Variants in ZNF208 observed in about 807,000 individuals in gnomAD.
ZNF208 encodes the protein zinc finger protein 208.
Under a neutral mutation model 12.1 loss-of-function variants are expected in ZNF208, and 10 were observed. The ratio of observed to expected loss-of-function variants is 0.83; its 90% CI spans 0.51 to 1.40. The LOEUF (loss-of-function observed/expected upper bound fraction) is 1.40. Among genes scored for constraint, ZNF208 ranks in the 40% most tolerant of loss-of-function variants. ZNF208 has a pLI of 0.00. For synonymous variants in ZNF208, 497 were observed against 488.4 expected (o/e 1.02, Z -0.23); for missense variants, 1,652 against 1,485.0 (o/e 1.11, Z -1.85).
rs1419422368 is a variant in ZNF208, at chr19:21,971,485, G to A, written c.3549C>T (p.Ile1183=). Residue 1183 remains isoleucine, a synonymous_variant, in exon 4 of 4, where the codon ATC becomes ATT. Coordinates refer to ENST00000397126, the MANE Select transcript of ZNF208 (RefSeq NM_007153.3). ...ECGKGFVMFS[I]LAKHKVIHTG... is the part of the protein sequence containing the mutation. ...TATGAATTACCTTATGTTTTGCAAG[G>A]ATTGAGAACATAACAAAGCCTTTGC... 2.5e-6 allele frequency: 4 copies of A among 1,611,050 alleles called. No individual in the cohort carries two copies. The highest frequency in any genetic ancestry group is 3.4e-6 in the Non-Finnish European group (4 of 1,179,856).
At chr19:21,957,054 TC>T (rs1268497291) in intron 4 of ZNF208, among the ~76,000 whole-genome samples, 3 of 150,338 alleles carry the variant, frequency 2.0e-5, no homozygotes, top group African/African-American at 7.4e-5. Context: ...ATTTTTGTTT[TC>T]TTTTGAGACA....
intron 3 of ZNF208, 135 bp from the exon 4 acceptor site, chr19:21,974,942 CAT>C: frequency 9.2e-7 from 1 of 1,086,352 alleles, no homozygotes; most frequent in Admixed American, 3.2e-5. Flanking sequence ...CCTAATTCTT[CAT>C]AGACATATAA....
In ZNF208 at chr19:21,970,467, T is replaced by A. The variant is rs1043983024; in HGVS notation, c.*724A>T. Among the ~76,000 whole-genome samples the A allele has an allele frequency of 6.6e-6, 1 of 152,188 alleles. No homozygotes were observed. The highest frequency in any genetic ancestry group is 6.6e-5 in the Admixed American group (1 of 15,266). On this transcript the variant is annotated 3_prime_UTR_variant, in exon 4 of 4. Transcript: ENST00000397126. Reference sequence around the variant, plus strand: ...TTTCCCTCCTGTACAAATTCCCTTATGTTCAGTAAGCGTTGAGAATTAATT... The same window carrying A: ...TTTCCCTCCTGTACAAATTCCCTTAAGTTCAGTAAGCGTTGAGAATTAATT...
chr19:21,977,848 G>A (rs918231005), intron 3 of ZNF208, among the ~76,000 whole-genome samples: 1 of 152,208 alleles, frequency 6.6e-6, no homozygotes, highest in Non-Finnish European at 1.5e-5. Flanking sequence ...AATTCTGGCT[G>A]CAAGCACAGC....
At chr19:21,954,691 AT>A (rs1366626621) in intron 4 of ZNF208, among the ~76,000 whole-genome samples, 1 of 151,946 alleles carries the variant, frequency 6.6e-6, no homozygotes, top group African/African-American at 2.4e-5. Context: ...TGCTTGGTAG[AT>A]TTTCCTCCAT....
chr19:22,005,996 T>TA (rs201287807), intron 1 of ZNF208, among the ~76,000 whole-genome samples: 1,873 of 152,228 alleles, frequency 0.012, 30 homozygotes, highest in African/African-American at 0.042. Flanking sequence ...TTCTTCTCAT[T>TA]AAAAAAATCA....
At chr19:21,977,817 G>A (rs543478024) in intron 3 of ZNF208, among the ~76,000 whole-genome samples, 10 of 152,286 alleles carry the variant, frequency 6.6e-5, no homozygotes, top group East Asian at 1.9e-4. Flanking sequence ...GAGCCCAGCC[G>A]GCTAAGATCC....
chr19:21,960,786 T>C (rs1419160608), intron 4 of ZNF208, among the ~76,000 whole-genome samples: 1 of 152,234 alleles, frequency 6.6e-6, no homozygotes, highest in Non-Finnish European at 1.5e-5. Flanking sequence ...CCTCTGCAGC[T>C]GTGTGAAACT....
rs1163121918 is a variant in ZNF208 at position 21,997,225 on chromosome 19, T to C, written c.4-8316A>G. Among the ~76,000 whole-genome samples the C allele has an allele frequency of 2.0e-5, 3 of 152,230 alleles. No individual in the cohort carries two copies. The East Asian group carries it at 5.8e-4, about 29-fold the overall frequency. The stretch of plus-strand genomic sequence containing the variant: ...ACAGAAAGACAGTGACCATAATTTG[T>C]CTACAAGTAGAATTTACAGCACCAT... On this transcript the variant is annotated intron_variant, in intron 1 of 3. Transcript: ENST00000397126.
intron 4 of ZNF208, among the ~76,000 whole-genome samples, chr19:21,954,970 C>G (rs551161982): frequency 6.6e-6 from 1 of 152,266 alleles, no homozygotes; most frequent in African/African-American, 2.4e-5. Context: ...TAGCTGGTAC[C>G]AGCTGTTCCT....
rs1194539935 is a variant in ZNF208, at chr19:21,988,885, C to G, written c.28G>C (p.Ala10Pro). 1 of 1,613,934 alleles carries G rather than the reference C, an allele frequency of 6.2e-7. No homozygotes were observed. Among genetic ancestry groups the G allele is most frequent in the Non-Finnish European group, 8.5e-7 (1 of 1,179,946 alleles). The change falls in exon 2 of 4, where the codon GCC becomes CCC. Residue 10 changes from alanine (A) to proline (P), a missense_variant. Ala to Pro is a conservative substitution (Grantham distance 27). Coordinates refer to ENST00000397126, the MANE Select transcript of ZNF208 (RefSeq NM_007153.3). The stretch of plus-strand genomic sequence containing the variant: ...CACTCCTCCAGAGAGAATTCTATGG[C>G]CACATCCCTAAATGTCAATGATCCC... MGSLTFRDV[A>P]IEFSLEEWQC... is the part of the protein sequence containing the mutation.
At position 21,972,803 on chromosome 19, in the gene ZNF208, G is replaced by T; in HGVS notation, c.2231C>A (p.Thr744Asn). 2 of 1,612,082 alleles carry T rather than the reference G, an allele frequency of 1.2e-6. No homozygotes were observed. The highest frequency in any genetic ancestry group is 1.7e-6 in the Non-Finnish European group (2 of 1,179,830). Residue 744 changes from threonine to asparagine, a missense_variant, in exon 4 of 4, where the codon ACT becomes AAT. Thr to Asn is a moderately conservative substitution (Grantham distance 65). Coordinates refer to ENST00000397126, the MANE Select transcript of ZNF208 (RefSeq NM_007153.3). The stretch of plus-strand genomic sequence containing the variant: ...TTCACATTTGTAGGGTTTCTCTCCA[G>T]TATGAATTACCTTATGTTTAGTAAG... ...SVLTKHKVIH[T>N]GEKPYKCEEC...
At chr19:21,942,739 C>G (rs1427475772) in intron 4 of ZNF208, among the ~76,000 whole-genome samples, 2 of 152,112 alleles carry the variant, frequency 1.3e-5, no homozygotes, top group African/African-American at 4.8e-5. Flanking sequence ...ACCTCCGCCT[C>G]CTGGGTTCAC....
intron 3 of ZNF208, among the ~76,000 whole-genome samples, chr19:21,978,024 T>C (rs1265361608): frequency 6.6e-6 from 1 of 152,158 alleles, no homozygotes; most frequent in Non-Finnish European, 1.5e-5. Flanking sequence ...TATCTCAAGA[T>C]GCCTCCTCTT....
At position 21,967,453 on chromosome 19, in the gene ZNF208, T is replaced by G. The variant is rs1970193224; in HGVS notation, c.*3738A>C. On this transcript the variant is annotated 3_prime_UTR_variant, in exon 4 of 4. Coordinates refer to ENST00000397126, the MANE Select transcript of ZNF208 (RefSeq NM_007153.3). ...TTATACTGGTTATTCTGATGCAATCTTGGCTCACTGCAACCTCCACCTCCC... is the reference window on the plus strand; with the variant it reads ...TTATACTGGTTATTCTGATGCAATCGTGGCTCACTGCAACCTCCACCTCCC... 6.6e-6 allele frequency: 1 copy of G among 152,206 alleles called. No individual in the cohort carries two copies. Among genetic ancestry groups the G allele is most frequent in the Non-Finnish European group, 1.5e-5 (1 of 68,056 alleles). 9.4% of individuals were successfully genotyped at this position (152,206 alleles called of 1,614,324 possible).
intron 4 of ZNF208, among the ~76,000 whole-genome samples, chr19:21,955,704 C>T (rs1969962636): frequency 6.6e-6 from 1 of 152,124 alleles, no homozygotes; most frequent in African/African-American, 2.4e-5. Context: ...CTTCTCTATG[C>T]TGTTTATTCT....
At chr19:22,008,858 A>G (rs1290129497) in intron 1 of ZNF208, among the ~76,000 whole-genome samples, 1 of 152,098 alleles carries the variant, frequency 6.6e-6, no homozygotes, top group Non-Finnish European at 1.5e-5. Context: ...ATGTTGTGTT[A>G]TGGGAGAAGA....
At chr19:21,992,364 T>C (rs187410377) in intron 1 of ZNF208, among the ~76,000 whole-genome samples, 4 of 152,322 alleles carry the variant, frequency 2.6e-5, no homozygotes, top group African/African-American at 9.6e-5. Context: ...GAAACATTAG[T>C]TTTATGGAAA....
At chr19:21,987,782 G>A (rs193199356) in intron 2 of ZNF208, among the ~76,000 whole-genome samples, 7 of 152,274 alleles carry the variant, frequency 4.6e-5, no homozygotes, top group Admixed American at 3.3e-4. Context: ...TAGATTAGGT[G>A]TATGACACAC....
Sources: allele counts gnomAD v4.1 joint callset (sites outside exome capture counted in the v4.1 genomes callset), GRCh38; gene constraint gnomAD v4.1.1; transcripts MANE v1.5; gene names NCBI Gene and HGNC (gene_info 2026-07-23, HGNC 2026-07-21).